Variants in ZNF160 observed in about 807,000 individuals in gnomAD.
ZNF160 encodes the protein KRAB zinc finger protein KR18.
Under a neutral mutation model 13.1 loss-of-function variants are expected in ZNF160, and 9 were observed. The ratio of observed to expected loss-of-function variants is 0.69; its 90% CI spans 0.41 to 1.20. The LOEUF is 1.20. Ranked by LOEUF, ZNF160 falls within the 50% of genes most tolerant of loss-of-function variation. The pLI, the probability that ZNF160 is intolerant of heterozygous loss-of-function variation, is 0.01. For synonymous variants in ZNF160, 293 were observed against 333.2 expected (o/e 0.88, Z 1.31); for missense variants, 838 against 988.0 (o/e 0.85, Z 2.04).
chr19:53,093,028 T>G (rs1199994973), intron 1 of ZNF160, among the ~76,000 whole-genome samples: 1 of 152,204 alleles, frequency 6.6e-6, no homozygotes, highest in Non-Finnish European at 1.5e-5. Context: ...TTGAGAATAG[T>G]AGGGGTGAAT....
At chr19:53,077,200 G>C (rs1377277287) in intron 3 of ZNF160, 3 of 152,214 alleles carry the variant, frequency 2.0e-5, no homozygotes, top group African/African-American at 7.2e-5. Flanking sequence ...ACTGGCACAA[G>C]CTCTTTAGTT....
intron 1 of ZNF160, among the ~76,000 whole-genome samples, chr19:53,093,297 A>G (rs13346762): frequency 0.22 from 33,736 of 152,076 alleles, 3,980 homozygotes; most frequent in Middle Eastern, 0.27. Flanking sequence ...AAAATTAGCC[A>G]GGCGCGGTGG....
rs1190066081 is a variant in ZNF160 at position 53,069,650 on chromosome 19, G to A, written c.884C>T (p.Thr295Ile). 2.5e-6 allele frequency: 4 copies of A among 1,612,922 alleles called. No individual in the cohort carries two copies. Among genetic ancestry groups the A allele is most frequent in the Non-Finnish European group, 2.5e-6 (3 of 1,179,584 alleles). ...YKCSECGKTF[T>I]VRSNLTIHQV... Reference sequence around the variant, plus strand: ...ATGAATAGTTAGATTTGAACGAACAGTAAAGGTTTTGCCGCACTCACTGCA... The same window carrying A: ...ATGAATAGTTAGATTTGAACGAACAATAAAGGTTTTGCCGCACTCACTGCA... The change falls in exon 6 of 6, where the codon ACT becomes ATT. Residue 295 changes from threonine to isoleucine, a missense_variant. Thr to Ile is a moderately conservative substitution (Grantham distance 89). Transcript: ENST00000683776. The surrounding 1 kb of genome is among the most constrained non-coding windows in gnomAD (Gnocchi z 4.4).
chr19:53,079,660 C>CGAA (rs2084549397), intron 3 of ZNF160, among the ~76,000 whole-genome samples: 1 of 124,526 alleles, frequency 8.0e-6, no homozygotes, highest in African/African-American at 2.9e-5. Flanking sequence ...ACAATAGCAG[C>CGAA]AAAAAAAAAA....
At position 53,089,618 on chromosome 19, in the gene ZNF160, C is replaced by T. The variant is rs190379320; in HGVS notation, c.-46+1795G>A. Among the ~76,000 whole-genome samples the T allele has an allele frequency of 3.0e-3, 457 of 152,222 alleles. 3 individuals carry two copies. Among genetic ancestry groups the T allele is most frequent in the Admixed American group, 6.7e-3 (103 of 15,284 alleles). ...TGCATAGCCTTATAGACAAGTTTTG[C>T]AATTCTCATCTTTATCTGTGTATTT... On this transcript the variant is annotated intron_variant, in intron 2 of 5. Transcript: ENST00000683776.
Position 53,069,159 on chromosome 19 carries a change from C to T in ZNF160, c.1375G>A (p.Gly459Ser), listed in dbSNP as rs759206101. 6.2e-7 allele frequency: 1 copy of T among 1,614,182 alleles called. No individual in the cohort carries two copies. The highest frequency in any genetic ancestry group is 8.5e-7 in the Non-Finnish European group (1 of 1,180,022). Reference protein sequence around the residue: ...GEKPYKCNECGKAFSMHSNLA... With the variant: ...GEKPYKCNECSKAFSMHSNLA... The stretch of plus-strand genomic sequence containing the variant: ...TTTGAATGCATACTGAAGGCTTTGC[C>T]ACATTCATTACACTTGTAAGGTTTC... Residue 459 changes from glycine to serine, a missense_variant, in exon 6 of 6, where the codon GGC becomes AGC. By Grantham distance (56) the Gly-to-Ser change is moderately conservative. This residue lies in a region of ZNF160 where 400 missense variants were observed against 538.9 expected (regional missense o/e 0.74). Coordinates refer to ENST00000683776, the MANE Select transcript of ZNF160 (RefSeq NM_001322131.2). The surrounding 1 kb of genome is among the most constrained non-coding windows in gnomAD (Gnocchi z 4.4).
chr19:53,089,997 C>A (rs1436703033), intron 2 of ZNF160, among the ~76,000 whole-genome samples: 1 of 152,050 alleles, frequency 6.6e-6, no homozygotes, highest in Non-Finnish European at 1.5e-5. Flanking sequence ...CAATCCCAAT[C>A]TCCACATATT....
intron 1 of ZNF160, chr19:53,095,599 G>A (rs889048592): frequency 6.6e-6 from 1 of 152,150 alleles, no homozygotes; most frequent in African/African-American, 2.4e-5. Context: ...TGGCTGGTGT[G>A]CTTCCCAGCT....
intron 3 of ZNF160, among the ~76,000 whole-genome samples, chr19:53,083,173 A>G (rs1362400223): frequency 6.6e-6 from 1 of 152,178 alleles, no homozygotes; most frequent in Non-Finnish European, 1.5e-5. Context: ...AACTTCATGA[A>G]GTAGGCATGA....
chr19:53,087,154 A>C (rs1230412284), intron 2 of ZNF160, among the ~76,000 whole-genome samples: 1 of 152,224 alleles, frequency 6.6e-6, no homozygotes, highest in East Asian at 1.9e-4. Context: ...GGGCCAGCCC[A>C]CATGGAAGCC....
At chr19:53,071,151 G>A (rs191960370) in intron 5 of ZNF160, among the ~76,000 whole-genome samples, 31 of 152,190 alleles carry the variant, frequency 2.0e-4, no homozygotes, top group East Asian at 5.8e-4. Flanking sequence ...AGCCGAGATC[G>A]TGCCACTGCA....
chr19:53,099,254 G>C (rs1385966397), intron 1 of ZNF160, among the ~76,000 whole-genome samples: 2 of 152,166 alleles, frequency 1.3e-5, no homozygotes, highest in Non-Finnish European at 2.9e-5. Flanking sequence ...GGCTAGACCC[G>C]AAGGAGAAGA....
chr19:53,101,049 C>T (rs1438069791), intron 1 of ZNF160, among the ~76,000 whole-genome samples: 1 of 151,990 alleles, frequency 6.6e-6, no homozygotes, highest in Non-Finnish European at 1.5e-5. Context: ...GAGGCCGAGA[C>T]AGGTGGATCA....
At chr19:53,080,698 T>C (rs1223678737) in intron 3 of ZNF160, among the ~76,000 whole-genome samples, 1 of 152,158 alleles carries the variant, frequency 6.6e-6, no homozygotes, top group East Asian at 1.9e-4. Context: ...CCAACATCAC[T>C]TTTCACAGAA....
At position 53,068,302 on chromosome 19, in the gene ZNF160, T is replaced by C. The variant is rs1268810315; in HGVS notation, c.2232A>G (p.Gln744=). 5 of 1,613,892 alleles carry C rather than the reference T, an allele frequency of 3.1e-6. No individual in the cohort carries two copies. Among genetic ancestry groups the C allele is most frequent in the Middle Eastern group, 3.3e-4 (2 of 6,058 alleles). Reference sequence around the variant, plus strand: ...TTCGGTGATTTGCCAGGTGAGCATTTTGAGTAAAGACCTTGCCACATTCAT... The same window carrying C: ...TTCGGTGATTTGCCAGGTGAGCATTCTGAGTAAAGACCTTGCCACATTCAT... The part of the protein sequence containing the change: ...KCNECGKVFT[Q]NAHLANHRRI... Residue 744 remains glutamine (Q), a synonymous_variant, in exon 6 of 6, where the codon CAA becomes CAG. Transcript: ENST00000683776.
At chr19:53,071,322 G>A (rs544813948) in intron 5 of ZNF160, among the ~76,000 whole-genome samples, 11 of 152,056 alleles carry the variant, frequency 7.2e-5, no homozygotes, top group African/African-American at 9.6e-5. Context: ...AGGCCGAGGC[G>A]GGTGGATCAC....
rs755447229 is a variant in ZNF160, at chr19:53,066,647, C to T, written c.*1430G>A. 36 of 152,190 alleles carry T rather than the reference C, an allele frequency of 2.4e-4. No homozygotes were observed. The highest frequency in any genetic ancestry group is 4.6e-4 in the Admixed American group (7 of 15,270). 9.4% of individuals were successfully genotyped at this position (152,190 alleles called of 1,614,324 possible). A position where few individuals can be genotyped will look rare whatever the true frequency, so the allele number is the denominator to read the frequency against. ...AACCATTCTATTTTATTAGTTAAAA[C>T]ATTATATCTATGATACATTCTGAAT... is the stretch of plus-strand genomic sequence containing the variant. On this transcript the variant is annotated 3_prime_UTR_variant, in exon 6 of 6. Transcript: ENST00000683776.
chr19:53,074,236 T>TG lies in ZNF160; in HGVS notation c.174dup (p.Met59HisfsTer37). ...CAGGGCTCTTTCCCTTCCTCCAACA[T>TG]GGAGATAATATTCATATCAAAATGA... On this transcript the variant is annotated frameshift_variant, in exon 5 of 6. Transcript: ENST00000683776. LOFTEE classifies it high-confidence loss of function. 4 of 1,614,000 alleles carry TG rather than the reference T, an allele frequency of 2.5e-6. No individual in the cohort carries two copies. The highest frequency in any genetic ancestry group is 3.4e-6 in the Non-Finnish European group (4 of 1,179,952).
At chr19:53,076,712 G>C (rs1051564910) in intron 3 of ZNF160, among the ~76,000 whole-genome samples, 2 of 152,130 alleles carry the variant, frequency 1.3e-5, no homozygotes, top group African/African-American at 2.4e-5. Context: ...ACTACCCATG[G>C]AGACACAGAT....
Sources: gnomAD v4.1 joint callset for allele counts (sites outside exome capture counted in the v4.1 genomes callset) on GRCh38, gnomAD v4.1.1 for gene constraint, gnomAD v4.1.1 regional missense constraint, Gnocchi (gnomAD v3.1) non-coding constraint, MANE v1.5 for transcripts, NCBI Gene and HGNC (gene_info 2026-07-23, HGNC 2026-07-21) for gene names.